ARPP21: variants seen among roughly 807,000 people sequenced by gnomAD.
ARPP21 encodes the protein cAMP regulated phosphoprotein 21.
Under a neutral mutation model 113.2 loss-of-function variants are expected in ARPP21, and 69 were observed. The observed-to-expected ratio is 0.61, with a 90% CI of 0.50 to 0.74. The LOEUF is 0.74. Among genes scored for constraint, ARPP21 ranks in the 30% least tolerant of loss-of-function variants. The pLI is 0.00. For missense variants in ARPP21, 1,070 were observed against 1,037.4 expected, an observed-to-expected ratio of 1.03 and a Z score of -0.43; for synonymous variants, 368 against 375.5, an observed-to-expected ratio of 0.98 and a Z score of 0.23.
At chr3:35,747,933 GAAAGAAAGAAAGAA>G (rs891575470) in intron 19 of ARPP21, among the ~76,000 whole-genome samples, 31 of 133,600 alleles carry the variant, frequency 2.3e-4, no homozygotes, top group East Asian at 8.3e-4. Context: ...AAAGAAGGAG[GAAAGAAAGAAAGAA>G]AAAGAAAGAA....
At chr3:35,647,390 G>C (rs1291944515) in intron 1 of ARPP21, among the ~76,000 whole-genome samples, 1 of 152,116 alleles carries the variant, frequency 6.6e-6, no homozygotes, top group Non-Finnish European at 1.5e-5. Context: ...TTTGAATTCA[G>C]TGGAGCTTCT....
chr3:35,778,274 C>A lies in ARPP21; in HGVS notation c.2138-14108C>A, dbSNP rs115562817. On this transcript the variant is annotated intron_variant, in intron 19 of 20. Transcript: ENST00000684406. ...TGTTTCCTCCCAACACATAGCCATT[C>A]TCTATCCATCTCTCCTGACCCCATG... is the stretch of plus-strand genomic sequence containing the variant. Among the ~76,000 whole-genome samples, 1,367 of 152,284 alleles carry A rather than the reference C, an allele frequency of 9.0e-3. 4 individuals are homozygous for A. Among genetic ancestry groups the A allele is most frequent in the African/African-American group, 0.014 (592 of 41,568 alleles).
intron 1 of ARPP21, among the ~76,000 whole-genome samples, chr3:35,651,053 A>G (rs1253803924): frequency 2.0e-5 from 3 of 152,176 alleles, no homozygotes; most frequent in African/African-American, 4.8e-5. Flanking sequence ...ATAAAATATT[A>G]TAAAATCTGT....
At position 35,698,866 on chromosome 3, in the gene ARPP21, CA is replaced by C. The variant is rs968402230; in HGVS notation, c.686+7869del. On this transcript the variant is annotated intron_variant, in intron 9 of 20. Transcript: ENST00000684406. ...AAGTTAGATGGTAAAAATATGATGC[CA>C]AAAAAAAGTCTCCAGAATCACCGGA... 4.6e-5 allele frequency among the ~76,000 whole-genome samples: 7 copies of C among 150,886 alleles called. No homozygotes were observed. In the South Asian group the frequency reaches 8.4e-4, roughly 18 times the overall value.
intron 19 of ARPP21, among the ~76,000 whole-genome samples, chr3:35,765,616 A>C (rs1210058427): frequency 6.6e-6 from 1 of 152,198 alleles, no homozygotes; most frequent in Non-Finnish European, 1.5e-5. Flanking sequence ...GTAAATGTAA[A>C]TGAAGACAGA....
intron 1 of ARPP21, among the ~76,000 whole-genome samples, chr3:35,646,236 C>T (rs1485222960): frequency 6.6e-6 from 1 of 152,048 alleles, no homozygotes; most frequent in Non-Finnish European, 1.5e-5. Context: ...GGAAGACTAA[C>T]ACATTTATTT....
At chr3:35,685,317 C>A in intron 5 of ARPP21, 1 of 985,296 alleles carries the variant, frequency 1.0e-6, no homozygotes, top group Non-Finnish European at 1.2e-6. Flanking sequence ...AGCTCAGAAA[C>A]CAAGACTAGC....
chr3:35,757,930 A>G (rs2095631613), intron 19 of ARPP21, among the ~76,000 whole-genome samples: 1 of 152,164 alleles, frequency 6.6e-6, no homozygotes, highest in South Asian at 2.1e-4. Flanking sequence ...TAAAAATTCA[A>G]AGCAATTCAC....
Position 35,723,894 on chromosome 3 carries a change from A to G in ARPP21, c.1225+2060A>G, listed in dbSNP as rs541616863. 2.0e-5 allele frequency among the ~76,000 whole-genome samples: 3 copies of G among 152,318 alleles called. No homozygotes were observed. The East Asian group carries it at 5.8e-4, about 29-fold the overall frequency. On this transcript the variant is annotated intron_variant, in intron 14 of 20. Transcript: ENST00000684406. ...AAAACTTAAAGAAGATCAAGGTAGGATGTCAAAACAAACTTACAGTTTCCC... is the reference window on the plus strand; with the variant it reads ...AAAACTTAAAGAAGATCAAGGTAGGGTGTCAAAACAAACTTACAGTTTCCC...
At chr3:35,717,863 G>A (rs1232790731) in intron 13 of ARPP21, among the ~76,000 whole-genome samples, 3 of 152,114 alleles carry the variant, frequency 2.0e-5, no homozygotes, top group Non-Finnish European at 4.4e-5. Flanking sequence ...TAAAATCTGT[G>A]TAGGATAAGG....
Position 35,746,023 on chromosome 3 carries a change from G to A in ARPP21, c.2137+2058G>A, listed in dbSNP as rs150296699. On this transcript the variant is annotated intron_variant, in intron 19 of 20. Transcript: ENST00000684406. ...GTCAAGGAAGTGAGTGCCAGTTAAT[G>A]TGGCCTGTACAGGGTGAGGAAGTGA... Among the ~76,000 whole-genome samples, 202 of 152,296 alleles carry A rather than the reference G, an allele frequency of 1.3e-3. 1 individual carries two copies. Among genetic ancestry groups the A allele is most frequent in the Non-Finnish European group, 1.3e-3 (90 of 68,022 alleles).
At chr3:35,747,964 AG>A (rs2095183819) in intron 19 of ARPP21, among the ~76,000 whole-genome samples, 1 of 147,538 alleles carries the variant, frequency 6.8e-6, no homozygotes. Context: ...AGAAAGAAAG[AG>A]AGAGAGAGAG....
At chr3:35,748,261 G>GGA in intron 19 of ARPP21, among the ~76,000 whole-genome samples, 1 of 123,480 alleles carries the variant, frequency 8.1e-6, no homozygotes, top group Non-Finnish European at 1.6e-5. Flanking sequence ...GAAAGAGAAA[G>GGA]GAGAGAGAGA....
intron 19 of ARPP21, among the ~76,000 whole-genome samples, chr3:35,759,632 CTTTCATTTTTTTAT>C (rs2095689198): frequency 6.7e-6 from 1 of 148,834 alleles, no homozygotes; most frequent in East Asian, 2.0e-4. Flanking sequence ...CCATTTTTTT[CTTTCATTTTTTTAT>C]TTTCATTTTT....
Position 35,721,748 on chromosome 3 carries a change from A to G in ARPP21, c.1139A>G (p.Lys380Arg). 6.2e-7 allele frequency: 1 copy of G among 1,613,906 alleles called. No individual in the cohort carries two copies. The highest frequency in any genetic ancestry group is 8.5e-7 in the Non-Finnish European group (1 of 1,179,906). ...SNRNLKPAMT[K>R]TASFGGITVL... ...CGCAATCTAAAGCCCGCCATGACCA[A>G]GACGGCGAGTTTTGGGGGCATCACG... is the stretch of plus-strand genomic sequence containing the variant. The change falls in exon 14 of 21, where the codon AAG (lysine) becomes AGG (arginine). Residue 380 changes from lysine to arginine, a missense_variant. Lys to Arg is a conservative substitution (Grantham distance 26). Transcript: ENST00000684406.
At position 35,689,361 on chromosome 3, in the gene ARPP21, T is replaced by C. The variant is rs2081565023; in HGVS notation, c.461T>C (p.Ile154Thr). Residue 154 changes from isoleucine to threonine, a missense_variant, in exon 7 of 21, where the codon ATT (isoleucine) becomes ACT (threonine). Ile to Thr is a moderately conservative substitution (Grantham distance 89). Transcript: ENST00000684406. The stretch of plus-strand genomic sequence containing the variant: ...GGCATAGACTTACACGAGTTTCTGA[T>C]TAACACATTAAAGAATAATTCCAGG... ...STGIDLHEFLINTLKNNSRDR... is the reference protein window; with the variant it reads ...STGIDLHEFLTNTLKNNSRDR... 2 of 1,566,238 alleles carry C rather than the reference T, an allele frequency of 1.3e-6. No homozygotes were observed. The highest frequency in any genetic ancestry group is 3.4e-5 in the Admixed American group (2 of 59,532).
intron 9 of ARPP21, among the ~76,000 whole-genome samples, chr3:35,702,670 A>G (rs1456907098): frequency 6.6e-6 from 1 of 151,764 alleles, no homozygotes; most frequent in African/African-American, 2.4e-5. Flanking sequence ...AAAATTTGGA[A>G]CAAGAGTTTG....
intron 7 of ARPP21, among the ~76,000 whole-genome samples, chr3:35,689,855 C>T (rs1197685999): frequency 1.3e-5 from 2 of 151,312 alleles, no homozygotes; most frequent in African/African-American, 2.4e-5. Flanking sequence ...TTAGATATTT[C>T]AATATACTTA....
At chr3:35,756,452 C>T (rs1235923345) in intron 19 of ARPP21, among the ~76,000 whole-genome samples, 3 of 151,998 alleles carry the variant, frequency 2.0e-5, no homozygotes, top group Non-Finnish European at 4.4e-5. Context: ...ATTTATGCTC[C>T]TGTCCAAAGC....
Sources: allele counts gnomAD v4.1 joint callset (sites outside exome capture counted in the v4.1 genomes callset), GRCh38; gene constraint gnomAD v4.1.1; transcripts MANE v1.5; gene names NCBI Gene and HGNC (gene_info 2026-07-23, HGNC 2026-07-21).